BICRA: variants seen among roughly 807,000 people sequenced by gnomAD.
BICRA encodes BRD4-interacting chromatin-remodeling complex-associated protein.
BICRA carries 31 observed loss-of-function variants against 96.9 expected under a neutral mutation model. The observed-to-expected ratio is 0.32, with a 90% CI of 0.24 to 0.43. The LOEUF is 0.43. Among genes scored for constraint, BICRA ranks in the 20% least tolerant of loss-of-function variants. The pLI, the probability that BICRA is intolerant of heterozygous loss-of-function variation, is 1.00. For missense variants in BICRA, 2,283 were observed against 2,190.3 expected, an observed-to-expected ratio of 1.04 and a Z score of -0.84; for synonymous variants, 1,350 against 1,071.8, an observed-to-expected ratio of 1.26 and a Z score of -5.07.
intron 9 of BICRA, 23 bp from the exon 10 acceptor site, chr19:47,695,342 T>TCCCCCCCCCCCCCCCCCCCCCCCCCC: frequency 1.3e-5 from 8 of 630,132 alleles, no homozygotes; most frequent in Non-Finnish European, 2.0e-5. Flanking sequence ...AGGCCCTGTC[T>TCCCCCCCCCCCCCCCCCCCCCCCCCC]CCCCCACCCC....
At chr19:47,637,398 C>T (rs1044508501) in intron 1 of BICRA, among the ~76,000 whole-genome samples, 3 of 151,788 alleles carry the variant, frequency 2.0e-5, no homozygotes, top group Admixed American at 6.6e-5. Flanking sequence ...GGAATACAGG[C>T]GTGAGCCACT....
chr19:47,656,068 C>T (rs994877716), intron 1 of BICRA, among the ~76,000 whole-genome samples: 7 of 83,920 alleles, frequency 8.3e-5, no homozygotes, highest in African/African-American at 2.7e-4. Flanking sequence ...GATCCTGTCT[C>T]GACACACACA....
intron 1 of BICRA, among the ~76,000 whole-genome samples, chr19:47,657,698 T>C (rs1972641362): frequency 6.6e-6 from 1 of 152,202 alleles, no homozygotes; most frequent in South Asian, 2.1e-4. Flanking sequence ...GCCCGGCTGC[T>C]GTGAAAATTT....
chr19:47,696,587 A>G (rs1298799650), intron 11 of BICRA, 75 bp downstream of exon 11: 1 of 1,429,506 alleles, frequency 7.0e-7, no homozygotes, highest in African/African-American at 1.4e-5. Context: ...GCCACCCTCC[A>G]GAAGCAGAGT....
chr19:47,701,580 CCGA>C lies in BICRA; in HGVS notation c.3852_3854del (p.Asp1284del). ...TCCTCTGCCGCCTCCTCCTTGGACG[CCGA>C]CGAGGACGGCCCCATGCCCTCCCGC... On this transcript the variant is annotated inframe_deletion, in exon 15 of 15. Coordinates refer to ENST00000594866, the MANE Select transcript of BICRA (RefSeq NM_001394372.1). The surrounding 1 kb of genome is among the most constrained non-coding windows in gnomAD (Gnocchi z 5.4). 6.4e-7 allele frequency: 1 copy of C among 1,554,468 alleles called. No individual in the cohort carries two copies. Among genetic ancestry groups the C allele is most frequent in the South Asian group, 1.2e-5 (1 of 84,426 alleles).
chr19:47,620,906 C>T (rs111519192), intron 1 of BICRA, among the ~76,000 whole-genome samples: 1 of 152,124 alleles, frequency 6.6e-6, no homozygotes, highest in African/African-American at 2.4e-5. Flanking sequence ...CCCAGCAGGC[C>T]TGTCATCCAG....
chr19:47,666,568 C>T (rs182481448), intron 1 of BICRA, among the ~76,000 whole-genome samples: 5 of 151,066 alleles, frequency 3.3e-5, no homozygotes, highest in South Asian at 2.1e-4. Flanking sequence ...TGAGCCACCA[C>T]GCCCGGCCTT....
intron 1 of BICRA, among the ~76,000 whole-genome samples, chr19:47,644,729 G>C (rs1219756964): frequency 6.6e-6 from 1 of 151,956 alleles, no homozygotes; most frequent in African/African-American, 2.4e-5. Flanking sequence ...TCAAACTCCT[G>C]GCCTCAAGTG....
In BICRA at chr19:47,680,936, C is replaced by G; in HGVS notation, c.1766C>G (p.Pro589Arg). 1 of 1,468,924 alleles carries G rather than the reference C, an allele frequency of 6.8e-7. No individual in the cohort carries two copies. Among genetic ancestry groups the G allele is most frequent in the Non-Finnish European group, 8.9e-7 (1 of 1,122,430 alleles). The allele number at this position is 1,468,924 out of a possible 1,614,324, so 91.0% of individuals were successfully genotyped here. Residue 589 changes from proline to arginine, a missense_variant, in exon 6 of 15, where the codon CCC becomes CGC. By Grantham distance (103) the Pro-to-Arg change is moderately radical (BLOSUM62 -2). Coordinates refer to ENST00000594866, the MANE Select transcript of BICRA (RefSeq NM_001394372.1). ...ATTVLQGVTL[P>R]PSAVAMLNTP... ...ACTGTCCTCCAGGGGGTCACCCTGC[C>G]CCCCAGCGCCGTGGCCATGCTCAAC...
intron 1 of BICRA, among the ~76,000 whole-genome samples, chr19:47,637,396 G>A (rs774034974): frequency 4.0e-5 from 6 of 151,720 alleles, no homozygotes; most frequent in Non-Finnish European, 7.4e-5. Flanking sequence ...TGGGAATACA[G>A]GCGTGAGCCA....
At chr19:47,696,650 C>G (rs1973348005) in intron 11 of BICRA, 138 bp downstream of exon 11, 1 of 696,392 alleles carries the variant, frequency 1.4e-6, no homozygotes, top group South Asian at 2.0e-5. Context: ...CGATGTAGTT[C>G]CCTCATAGAC....
chr19:47,622,418 G>T (rs1972077880), intron 1 of BICRA, among the ~76,000 whole-genome samples: 1 of 146,424 alleles, frequency 6.8e-6, no homozygotes, highest in Admixed American at 6.8e-5. Context: ...TCTAACAAAA[G>T]TCTGCTTAAA....
At chr19:47,668,653 A>G (rs1972818965) in intron 1 of BICRA, among the ~76,000 whole-genome samples, 1 of 151,892 alleles carries the variant, frequency 6.6e-6, no homozygotes, top group Non-Finnish European at 1.5e-5. Context: ...AGGCCTGGCC[A>G]ATTTTTTCTA....
At position 47,702,417 on chromosome 19, in the gene BICRA, A is replaced by G. The variant is rs924282717; in HGVS notation, c.*2A>G. 6.7e-7 allele frequency: 1 copy of G among 1,487,994 alleles called. No individual in the cohort carries two copies. The allele number at this position is 1,487,994 out of a possible 1,614,324, so 92.2% of individuals were successfully genotyped here. A position where few individuals can be genotyped will look rare whatever the true frequency, so the allele number is the denominator to read the frequency against. Reference sequence around the variant, plus strand: ...GGCGCCAGGACGTTGACCAGATAACACCGGGCCGCCTCCCCTTCCCCGTCC... The same window carrying G: ...GGCGCCAGGACGTTGACCAGATAACGCCGGGCCGCCTCCCCTTCCCCGTCC... On this transcript the variant is annotated 3_prime_UTR_variant, in exon 15 of 15. Coordinates refer to ENST00000594866, the MANE Select transcript of BICRA (RefSeq NM_001394372.1).
Position 47,650,552 on chromosome 19 carries a change from CG to C in BICRA, c.-107-19889del, listed in dbSNP as rs542866368. 7.9e-5 allele frequency among the ~76,000 whole-genome samples: 12 copies of C among 152,152 alleles called. No individual in the cohort carries two copies. The South Asian group carries it at 2.3e-3, about 29-fold the overall frequency. Reference sequence around the variant, plus strand: ...GATTAGAGGTGTGAGCCACTGTGCCCGGCCAGTTTTTGCCATTACTTTTAAT... The same window carrying C: ...GATTAGAGGTGTGAGCCACTGTGCCCGCCAGTTTTTGCCATTACTTTTAAT... On this transcript the variant is annotated intron_variant, in intron 1 of 14. Coordinates refer to ENST00000594866, the MANE Select transcript of BICRA (RefSeq NM_001394372.1).
chr19:47,631,057 T>G (rs189144373), intron 1 of BICRA, among the ~76,000 whole-genome samples: 1 of 152,146 alleles, frequency 6.6e-6, no homozygotes, highest in East Asian at 1.9e-4. Context: ...TTTAGTTGAT[T>G]TATGTTTTTG....
intron 1 of BICRA, among the ~76,000 whole-genome samples, chr19:47,653,703 T>C (rs1434550816): frequency 2.6e-5 from 4 of 152,220 alleles, no homozygotes; most frequent in African/African-American, 9.6e-5. Flanking sequence ...TTCCTTCTTA[T>C]GGCGGAGTAA....
intron 1 of BICRA, chr19:47,663,443 T>G (rs1972732657): frequency 6.6e-6 from 1 of 152,170 alleles, no homozygotes; most frequent in East Asian, 1.9e-4. Context: ...CCTCTGCTGG[T>G]GGGCTTTTCA....
Position 47,702,272 on chromosome 19 carries a change from GC to G in BICRA, c.4545del (p.Gly1516AlafsTer43). ...CGACAGCATCCTGAACCTGCAGCAG[GC>G]CCCCGGCCGGACGCCCGCGCCCTCG... ...AIDSILNLQQAPGRTPAPSYP... is the reference protein window; with the variant it reads ...AIDSILNLQQXPGRTPAPSYP... On this transcript the variant is annotated frameshift_variant, in exon 15 of 15. Coordinates refer to ENST00000594866, the MANE Select transcript of BICRA (RefSeq NM_001394372.1). LOFTEE classifies it high-confidence loss of function. 6.3e-7 allele frequency: 1 copy of G among 1,595,946 alleles called. No homozygotes were observed. Among genetic ancestry groups the G allele is most frequent in the Non-Finnish European group, 8.5e-7 (1 of 1,176,976 alleles).
Sources: gnomAD v4.1 joint callset for allele counts (sites outside exome capture counted in the v4.1 genomes callset) on GRCh38, gnomAD v4.1.1 for gene constraint, Gnocchi (gnomAD v3.1) non-coding constraint, MANE v1.5 for transcripts, NCBI Gene and HGNC (gene_info 2026-07-23, HGNC 2026-07-21) for gene names.